ATP13A5: variants seen among roughly 807,000 people sequenced by gnomAD.
ATP13A5 encodes probable cation-transporting ATPase 13A5.
A neutral mutation model predicts 150.2 loss-of-function variants in ATP13A5; 149 were observed. The observed-to-expected ratio is 0.99, with a 90% CI of 0.87 to 1.14. The LOEUF (loss-of-function observed/expected upper bound fraction) is 1.14, where lower values mean the gene tolerates loss of function less well. ATP13A5 is among the 50% of genes most tolerant of loss of function. The pLI is 0.00. For missense variants in ATP13A5, 1,383 were observed against 1,449.3 expected (o/e 0.95, Z 0.74); for synonymous variants, 497 against 522.2 (o/e 0.95, Z 0.66).
Position 193,344,061 on chromosome 3 carries a change from C to T in ATP13A5, c.815-6G>A, listed in dbSNP as rs780745501. On this transcript the variant is annotated splice_region_variant and splice_polypyrimidine_tract_variant and intron_variant, in intron 8 of 29. Coordinates refer to ENST00000342358, the MANE Select transcript of ATP13A5 (RefSeq NM_198505.4). ...GGATTCCAGCTCCTCCAAACCTACA[C>T]CAAAGCAAAGTTTCCATGAATAGCT... 2.5e-6 allele frequency: 4 copies of T among 1,610,978 alleles called. No individual in the cohort carries two copies. In the South Asian group the frequency reaches 4.4e-5, roughly 18 times the overall value.
rs143421380 is a variant in ATP13A5, at chr3:193,314,984, C to G, written c.2146G>C (p.Val716Leu). Residue 716 changes from valine (V) to leucine (L), a missense_variant, in exon 18 of 30, where the codon GTG becomes CTG. Physicochemically the swap from Val to Leu is conservative, Grantham distance 32. Transcript: ENST00000342358. ...KELSEARIRTVMITGDNLQTA... is the reference protein window; with the variant it reads ...KELSEARIRTLMITGDNLQTA... ...AACAAATACATACCTGTAATCATCA[C>G]AGTCCTGATACGGGCCTCACTCAGT... The G allele has an allele frequency of 1.2e-6, 2 of 1,613,140 alleles. No homozygotes were observed. The highest frequency in any genetic ancestry group is 1.7e-5 in the Admixed American group (1 of 59,964).
At chr3:193,277,249 C>G (rs1717261717) in intron 28 of ATP13A5, among the ~76,000 whole-genome samples, 1 of 152,128 alleles carries the variant, frequency 6.6e-6, no homozygotes. Context: ...TTAAGGAGGA[C>G]AGAGAAATGT....
intron 1 of ATP13A5, among the ~76,000 whole-genome samples, chr3:193,371,852 T>C (rs1713453263): frequency 6.6e-6 from 1 of 152,196 alleles, no homozygotes; most frequent in African/African-American, 2.4e-5. Flanking sequence ...ATGTGGATTA[T>C]ACCTGTAAAG....
intron 1 of ATP13A5, among the ~76,000 whole-genome samples, chr3:193,367,972 AGAGGGAAGGGAAGGAAAGGGAAGGG>A (rs1173696729): frequency 7.1e-6 from 1 of 141,252 alleles, no homozygotes; most frequent in Non-Finnish European, 1.5e-5. Context: ...AGAGAAAGAA[AGAGGGAAGGGAAGGAAAGGGAAGGG>A]GAGGGGAGGG....
intron 5 of ATP13A5, among the ~76,000 whole-genome samples, chr3:193,358,377 G>A (rs890205764): frequency 1.1e-4 from 16 of 152,152 alleles, no homozygotes; most frequent in African/African-American, 3.9e-4. Flanking sequence ...AGATGCACAG[G>A]ACATGGCATC....
chr3:193,327,430 A>G (rs1719505365), intron 12 of ATP13A5, among the ~76,000 whole-genome samples: 1 of 152,158 alleles, frequency 6.6e-6, no homozygotes, highest in African/African-American at 2.4e-5. Flanking sequence ...GCTGAAGCAG[A>G]GCTCATTTTT....
intron 5 of ATP13A5, among the ~76,000 whole-genome samples, chr3:193,358,704 G>T (rs537104083): frequency 6.6e-6 from 1 of 152,308 alleles, no homozygotes; most frequent in South Asian, 2.1e-4. Flanking sequence ...AACTCGAGAA[G>T]TTGGGCTCTT....
chr3:193,317,538 G>A (rs1026112887), intron 17 of ATP13A5, among the ~76,000 whole-genome samples: 6 of 152,048 alleles, frequency 3.9e-5, no homozygotes, highest in Non-Finnish European at 7.4e-5. Context: ...TTTTAGTTTG[G>A]GGTGACTTTT....
intron 5 of ATP13A5, among the ~76,000 whole-genome samples, chr3:193,360,661 C>T (rs958391161): frequency 3.9e-4 from 59 of 152,066 alleles, no homozygotes; most frequent in Non-Finnish European, 2.4e-4. Context: ...ATTAGATTGT[C>T]AAGTTCTATA....
intron 16 of ATP13A5, among the ~76,000 whole-genome samples, chr3:193,319,634 G>T (rs1239064441): frequency 1.3e-5 from 2 of 152,176 alleles, no homozygotes; most frequent in East Asian, 3.9e-4. Context: ...GCAGTCTATG[G>T]TCTTTTGTTA....
At chr3:193,377,711 A>C (rs1372033018) in intron 1 of ATP13A5, among the ~76,000 whole-genome samples, 1 of 152,188 alleles carries the variant, frequency 6.6e-6, no homozygotes, top group Non-Finnish European at 1.5e-5. Flanking sequence ...CCAGCCAGGA[A>C]ACTGACATCA....
chr3:193,331,810 T>C (rs996203287), intron 11 of ATP13A5, among the ~76,000 whole-genome samples: 1 of 152,204 alleles, frequency 6.6e-6, no homozygotes, highest in Non-Finnish European at 1.5e-5. Flanking sequence ...TATTATTTAG[T>C]TGCTCTCTAT....
chr3:193,335,947 G>A (rs1711841579), intron 9 of ATP13A5, among the ~76,000 whole-genome samples: 1 of 151,992 alleles, frequency 6.6e-6, no homozygotes, highest in African/African-American at 2.4e-5. Flanking sequence ...AGTTCAAAAA[G>A]GATACATTTC....
At chr3:193,276,588 C>T (rs1717213412) in intron 29 of ATP13A5, among the ~76,000 whole-genome samples, 162 bp downstream of exon 29, 1 of 152,154 alleles carries the variant, frequency 6.6e-6, no homozygotes. Flanking sequence ...TTAAATCATT[C>T]CCCCCAAAAT....
Position 193,275,033 on chromosome 3 carries a change from C to A in ATP13A5, c.*9G>T. On this transcript the variant is annotated 3_prime_UTR_variant, in exon 30 of 30. Transcript: ENST00000342358. ...CAATGCTGTTGAGCATGTACGACGACAATTCTGATTACAGCCTGGCCCAGA... is the reference window on the plus strand; with the variant it reads ...CAATGCTGTTGAGCATGTACGACGAAAATTCTGATTACAGCCTGGCCCAGA... 1 of 1,613,864 alleles carries A rather than the reference C, an allele frequency of 6.2e-7. No homozygotes were observed. Among genetic ancestry groups the A allele is most frequent in the Non-Finnish European group, 8.5e-7 (1 of 1,179,896 alleles).
intron 7 of ATP13A5, among the ~76,000 whole-genome samples, chr3:193,346,741 T>C (rs1053775812): frequency 3.9e-5 from 6 of 152,158 alleles, no homozygotes; most frequent in African/African-American, 7.2e-5. Flanking sequence ...AATATTTATA[T>C]GGAAAAATTT....
At chr3:193,312,045 G>T in intron 19 of ATP13A5, 104 bp from the exon 20 acceptor site, 1 of 1,416,928 alleles carries the variant, frequency 7.1e-7, no homozygotes, top group Non-Finnish European at 9.6e-7. Context: ...ACAGTGTGAA[G>T]GTCAGCAACA....
rs1001341466 is a variant in ATP13A5 at position 193,285,201 on chromosome 3, A to G, written c.3024-85T>C. 7.9e-6 allele frequency: 9 copies of G among 1,134,448 alleles called. No homozygotes were observed. The African/African-American group carries it at 1.3e-4, about 16-fold the overall frequency. The allele number at this position is 1,134,448 out of a possible 1,614,324, so 70.3% of individuals were successfully genotyped here. A position where few individuals can be genotyped will look rare whatever the true frequency, so the allele number is the denominator to read the frequency against. ...AAAAAAAAATAATTTAATCACTACC[A>G]TGGGATTTTAGCTTTCAAACTATGT... On this transcript the variant is annotated intron_variant, in intron 26 of 29. Transcript: ENST00000342358.
At chr3:193,334,829 C>T in intron 10 of ATP13A5, 100 bp downstream of exon 10, 2 of 1,061,606 alleles carry the variant, frequency 1.9e-6, no homozygotes, top group Non-Finnish European at 2.7e-6. Flanking sequence ...TTGTTACTAC[C>T]AGAATGTGGC....
Sources: allele counts gnomAD v4.1 joint callset (sites outside exome capture counted in the v4.1 genomes callset), GRCh38; gene constraint gnomAD v4.1.1; transcripts MANE v1.5; gene names NCBI Gene and HGNC (gene_info 2026-07-23, HGNC 2026-07-21).